Variants in NUDT13 observed in about 807,000 individuals in gnomAD.
The protein encoded by NUDT13 is NAD(P)H pyrophosphatase NUDT13, mitochondrial.
Under a neutral mutation model 41.7 loss-of-function variants are expected in NUDT13, and 40 were observed. The ratio of observed to expected loss-of-function variants is 0.96; its 90% CI spans 0.75 to 1.25. The LOEUF is 1.25. Among genes scored for constraint, NUDT13 ranks in the 50% most tolerant of loss-of-function variants. The pLI is 0.00. For synonymous variants in NUDT13, 145 were observed against 155.5 expected, an observed-to-expected ratio of 0.93 and a Z score of 0.50; for missense variants, 390 against 416.1, an observed-to-expected ratio of 0.94 and a Z score of 0.55.
intron 8 of NUDT13, 113 bp downstream of exon 8, chr10:73,126,940 A>T: frequency 1.1e-6 from 1 of 931,996 alleles, no homozygotes. Flanking sequence ...GATTACATAA[A>T]CATGTGTAAA....
At chr10:73,111,181 T>A (rs1025356222) in intron 1 of NUDT13, among the ~76,000 whole-genome samples, 1 of 152,114 alleles carries the variant, frequency 6.6e-6, no homozygotes, top group African/African-American at 2.4e-5. Flanking sequence ...GGTTTCACCG[T>A]GTTAGCCAGG....
At chr10:73,122,561 A>AT (rs1291384448) in intron 4 of NUDT13, among the ~76,000 whole-genome samples, 1 of 151,904 alleles carries the variant, frequency 6.6e-6, no homozygotes, top group Non-Finnish European at 1.5e-5. Context: ...ACCATTATAC[A>AT]TTTTATTTAT....
At chr10:73,122,440 C>A in intron 4 of NUDT13, 131 bp downstream of exon 4, 1 of 894,652 alleles carries the variant, frequency 1.1e-6, no homozygotes, top group Admixed American at 2.6e-5. Context: ...TAAAAAAGGA[C>A]ATTAAAAAGT....
chr10:73,120,179 G>A, intron 3 of NUDT13, 22 bp downstream of exon 3: 7 of 1,609,144 alleles, frequency 4.4e-6, no homozygotes, highest in Non-Finnish European at 5.9e-6. Flanking sequence ...GTGGACCAGT[G>A]GCGTTGACCA....
intron 2 of NUDT13, among the ~76,000 whole-genome samples, chr10:73,116,385 T>A (rs917531659): frequency 6.6e-6 from 1 of 152,020 alleles, no homozygotes; most frequent in African/African-American, 2.4e-5. Context: ...ATAAAACTCC[T>A]TAGGAAGTAC....
intron 5 of NUDT13, 141 bp downstream of exon 5, chr10:73,124,461 A>C (rs7095710): frequency 0.02 from 12,602 of 623,748 alleles, 881 homozygotes; most frequent in African/African-American, 0.17. Flanking sequence ...TGGCAGGACA[A>C]TGTGCTGTAG....
intron 8 of NUDT13, among the ~76,000 whole-genome samples, chr10:73,128,279 A>C (rs1053263848): frequency 1.2e-4 from 18 of 152,160 alleles, no homozygotes; most frequent in Non-Finnish European, 1.2e-4. Flanking sequence ...TCTATTTTTA[A>C]TTTTTTGAGG....
intron 3 of NUDT13, 125 bp downstream of exon 3, chr10:73,120,282 C>T (rs747000680): frequency 7.8e-6 from 7 of 899,208 alleles, no homozygotes; most frequent in South Asian, 2.0e-5. Context: ...GCTTTTGAGT[C>T]TCATGCTTGT....
At chr10:73,118,217 A>G (rs532737943) in intron 2 of NUDT13, among the ~76,000 whole-genome samples, 5 of 152,172 alleles carry the variant, frequency 3.3e-5, no homozygotes, top group South Asian at 2.1e-4. Flanking sequence ...GTTTAAAAAT[A>G]TCACAATTCT....
chr10:73,125,095 C>T (rs767800146), intron 5 of NUDT13, 23 bp from the exon 6 acceptor site: 1 of 1,594,846 alleles, frequency 6.3e-7, no homozygotes, highest in African/African-American at 1.4e-5. Flanking sequence ...CAAATGACAC[C>T]AGGCCCATCA....
intron 1 of NUDT13, among the ~76,000 whole-genome samples, chr10:73,111,208 G>A (rs1360710333): frequency 6.6e-6 from 1 of 152,088 alleles, no homozygotes. Context: ...TCGATCTCCT[G>A]ACCTCGTGAT....
intron 1 of NUDT13, among the ~76,000 whole-genome samples, chr10:73,112,420 CT>C (rs11301375): frequency 0.11 from 15,925 of 151,274 alleles, 1,222 homozygotes; most frequent in East Asian, 0.31. Flanking sequence ...TGTCTGTGTC[CT>C]TTTTTTTATA....
Position 73,114,412 on chromosome 10 carries a change from G to A in NUDT13, c.47G>A (p.Cys16Tyr). ...GIACRRKFFW[C>Y]YRLLSTYVTK... is the part of the protein sequence containing the mutation. Reference sequence around the variant, plus strand: ...GCTTGCAGGAGAAAATTTTTTTGGTGCTATAGGCTGCTGTCAACCTATGTT... The same window carrying A: ...GCTTGCAGGAGAAAATTTTTTTGGTACTATAGGCTGCTGTCAACCTATGTT... Residue 16 changes from cysteine to tyrosine, a missense_variant, in exon 2 of 9, where the codon TGC (cysteine) becomes TAC (tyrosine). Physicochemically the swap from Cys to Tyr is radical, Grantham distance 194 (BLOSUM62 -2). Coordinates refer to ENST00000357321, the MANE Select transcript of NUDT13 (RefSeq NM_015901.6). 2 of 1,592,318 alleles carry A rather than the reference G, an allele frequency of 1.3e-6. No homozygotes were observed. The highest frequency in any genetic ancestry group is 1.7e-6 in the Non-Finnish European group (2 of 1,167,354).
chr10:73,112,849 T>C (rs1842402399), intron 1 of NUDT13, among the ~76,000 whole-genome samples: 1 of 151,946 alleles, frequency 6.6e-6, no homozygotes, highest in Non-Finnish European at 1.5e-5. Flanking sequence ...TGTTACTATA[T>C]ATATATATTT....
At chr10:73,119,686 C>T (rs1281908264) in intron 2 of NUDT13, among the ~76,000 whole-genome samples, 1 of 152,094 alleles carries the variant, frequency 6.6e-6, no homozygotes, top group African/African-American at 2.4e-5. Context: ...TTGAATCGAG[C>T]CATTCAATAT....
Position 73,122,256 on chromosome 10 carries a change from A to T in NUDT13, c.305A>T (p.Gln102Leu). 6.2e-7 allele frequency: 1 copy of T among 1,614,190 alleles called. No individual in the cohort carries two copies. The highest frequency in any genetic ancestry group is 2.2e-5 in the East Asian group (1 of 44,886). Residue 102 changes from glutamine (Q) to leucine (L), a missense_variant, in exon 4 of 9, where the codon CAG becomes CTG. Gln to Leu is a moderately radical substitution (Grantham distance 113). Coordinates refer to ENST00000357321, the MANE Select transcript of NUDT13 (RefSeq NM_015901.6). The stretch of plus-strand genomic sequence containing the variant: ...GTGCTGATTGGATGCTCTGAGCAGC[A>T]GGAAGCATGGTTTGCTCTGGATCTA... The part of the protein sequence containing the change: ...DSVLIGCSEQ[Q>L]EAWFALDLGL...
intron 4 of NUDT13, 49 bp from the exon 5 acceptor site, chr10:73,124,163 TGA>T: frequency 7.6e-7 from 1 of 1,322,102 alleles, no homozygotes; most frequent in East Asian, 2.3e-5. Context: ...AGAGAGGCCC[TGA>T]GGCAAAGTTT....
intron 1 of NUDT13, 34 bp downstream of exon 1, chr10:73,110,601 C>G (rs1842341788): frequency 6.6e-6 from 1 of 152,188 alleles, no homozygotes; most frequent in African/African-American, 2.4e-5. Flanking sequence ...TGCTCAGCTT[C>G]TAAGTGCAGG....
At chr10:73,125,267 G>C (rs981150383) in intron 6 of NUDT13, 24 bp downstream of exon 6, 2 of 1,606,434 alleles carry the variant, frequency 1.2e-6, no homozygotes, top group African/African-American at 1.3e-5. Context: ...TAAGAGGACA[G>C]TAATCCAAGA....
Sources: gnomAD v4.1 joint callset for allele counts (sites outside exome capture counted in the v4.1 genomes callset) on GRCh38, gnomAD v4.1.1 for gene constraint, MANE v1.5 for transcripts, NCBI Gene and HGNC (gene_info 2026-07-23, HGNC 2026-07-21) for gene names.